The following GDPD5 variants were observed in gnomAD, a reference collection of about 807,000 sequenced individuals.
GDPD5 encodes glycerophosphodiester phosphodiesterase domain containing 5, also known as glycerophosphodiester phosphodiesterase 2.
GDPD5 carries 48 observed loss-of-function variants against 75.1 expected under a neutral mutation model. The ratio of observed to expected loss-of-function variants is 0.64; its 90% CI spans 0.51 to 0.81. The LOEUF is 0.81. GDPD5 is among the 40% of genes least tolerant of loss of function. GDPD5 has a pLI of 0.00. For missense variants in GDPD5, 706 were observed against 822.6 expected, an observed-to-expected ratio of 0.86 and a Z score of 1.73; for synonymous variants, 336 against 339.0, an observed-to-expected ratio of 0.99 and a Z score of 0.10.
At chr11:75,494,795 TA>T (rs1950180467) in intron 1 of GDPD5, among the ~76,000 whole-genome samples, 1 of 150,980 alleles carries the variant, frequency 6.6e-6, no homozygotes, top group South Asian at 2.1e-4. Context: ...CTACTAAACA[TA>T]AAAAAAATAG....
intron 1 of GDPD5, among the ~76,000 whole-genome samples, chr11:75,498,815 C>T (rs948793803): frequency 6.6e-6 from 1 of 151,806 alleles, no homozygotes; most frequent in Non-Finnish European, 1.5e-5. Context: ...CTTGCTGGTG[C>T]CAGGTCCTGG....
chr11:75,467,717 G>A (rs1949549961), intron 3 of GDPD5, among the ~76,000 whole-genome samples: 1 of 152,080 alleles, frequency 6.6e-6, no homozygotes, highest in Non-Finnish European at 1.5e-5. Flanking sequence ...CCGAGGGGAT[G>A]GAGGCTGAGG....
chr11:75,472,879 A>T (rs1189306104), intron 3 of GDPD5, among the ~76,000 whole-genome samples: 1 of 152,038 alleles, frequency 6.6e-6, no homozygotes, highest in Non-Finnish European at 1.5e-5. Flanking sequence ...GTGGAACCCC[A>T]GGGGAGTGAG....
intron 15 of GDPD5, chr11:75,438,582 T>TCTC (rs1467018943): frequency 7.9e-5 from 12 of 152,236 alleles, no homozygotes; most frequent in Admixed American, 7.9e-4. Context: ...AGGGACAGCA[T>TCTC]CTCCTCCTAG....
intron 15 of GDPD5, chr11:75,439,192 G>C (rs1213412578): frequency 1.8e-5 from 7 of 382,042 alleles, no homozygotes; most frequent in Non-Finnish European, 3.8e-5. Context: ...GATTGCGGGG[G>C]TAAGGGAGGC....
At chr11:75,496,782 T>TCTTTTTC (rs1555013438) in intron 1 of GDPD5, among the ~76,000 whole-genome samples, 12 of 136,628 alleles carry the variant, frequency 8.8e-5, no homozygotes, top group Non-Finnish European at 1.9e-4. Flanking sequence ...TTTCTTTCTT[T>TCTTTTTC]TTTTTTTTTT....
intron 16 of GDPD5, among the ~76,000 whole-genome samples, chr11:75,436,673 T>G (rs1948634029): frequency 6.6e-6 from 1 of 152,120 alleles, no homozygotes; most frequent in South Asian, 2.1e-4. Flanking sequence ...ACCCCACCCC[T>G]GCCCACCAAC....
In GDPD5 at chr11:75,441,626, G is replaced by T. The variant is rs534195404; in HGVS notation, c.1325+20C>A. 5 of 1,544,152 alleles carry T rather than the reference G, an allele frequency of 3.2e-6. No homozygotes were observed. In the South Asian group the frequency reaches 3.5e-5, roughly 11 times the overall value. ...CTCAGTCCCACCCTCTCCTGGAGGA[G>T]CCCAGGGCAGGGCAGGCACCTGAGC... On this transcript the variant is annotated intron_variant, in intron 13 of 16. Transcript: ENST00000336898.
intron 4 of GDPD5, among the ~76,000 whole-genome samples, chr11:75,461,986 G>A (rs1213678761): frequency 6.6e-6 from 1 of 152,246 alleles, no homozygotes; most frequent in Non-Finnish European, 1.5e-5. Flanking sequence ...CCTGTACCCA[G>A]GTAAGTGGCT....
chr11:75,507,948 C>A lies in GDPD5; in HGVS notation c.-145+17262G>T, dbSNP rs1046429045. ...CATCCCCCAACACCCACCCCCAGCA[C>A]CCACTATCTATCAGTTGCTTTTTTT... is the stretch of plus-strand genomic sequence containing the variant. On this transcript the variant is annotated intron_variant, in intron 1 of 16. Coordinates refer to ENST00000336898, the MANE Select transcript of GDPD5 (RefSeq NM_030792.8). Among the ~76,000 whole-genome samples, 11 of 152,238 alleles carry A rather than the reference C, an allele frequency of 7.2e-5. No individual in the cohort carries two copies. The East Asian group carries it at 1.4e-3, about 19-fold the overall frequency.
At chr11:75,519,509 G>C (rs1380154835) in intron 1 of GDPD5, among the ~76,000 whole-genome samples, 2 of 152,172 alleles carry the variant, frequency 1.3e-5, no homozygotes, top group African/African-American at 4.8e-5. Flanking sequence ...GATCCTCTGT[G>C]AGGTGCTGGA....
At chr11:75,522,073 G>A (rs1466531216) in intron 1 of GDPD5, among the ~76,000 whole-genome samples, 3 of 151,230 alleles carry the variant, frequency 2.0e-5, no homozygotes, top group African/African-American at 4.9e-5. Context: ...CATCCTCCTC[G>A]CCCCAAGTTC....
At chr11:75,472,557 G>C (rs1035154383) in intron 3 of GDPD5, among the ~76,000 whole-genome samples, 1 of 152,004 alleles carries the variant, frequency 6.6e-6, no homozygotes, top group Non-Finnish European at 1.5e-5. Flanking sequence ...CCACCACCAG[G>C]AGCACAGGAG....
intron 1 of GDPD5, among the ~76,000 whole-genome samples, chr11:75,499,914 C>A (rs1020301406): frequency 1.3e-5 from 2 of 152,220 alleles, no homozygotes; most frequent in Admixed American, 6.5e-5. Context: ...ACCTGGTTTA[C>A]GAGGATGCTC....
At chr11:75,489,462 T>TCGAA (rs1222469621) in intron 2 of GDPD5, among the ~76,000 whole-genome samples, 1 of 152,248 alleles carries the variant, frequency 6.6e-6, no homozygotes, top group Non-Finnish European at 1.5e-5. Context: ...CCGAGCTTGC[T>TCGAA]CGAATGCTGA....
Position 75,462,777 on chromosome 11 carries a change from C to G in GDPD5, c.221+9G>C. On this transcript the variant is annotated intron_variant, in intron 4 of 16. Transcript: ENST00000336898. ...GCCCCTTCCTCCCCCACCCACTGCC[C>G]CTACTCACCAGTTGAATTCATCATA... The G allele has an allele frequency of 6.2e-7, 1 of 1,608,856 alleles. No individual in the cohort carries two copies. The highest frequency in any genetic ancestry group is 8.5e-7 in the Non-Finnish European group (1 of 1,175,504).
At chr11:75,496,583 G>C (rs2135436031) in intron 1 of GDPD5, among the ~76,000 whole-genome samples, 1 of 152,262 alleles carries the variant, frequency 6.6e-6, no homozygotes, top group African/African-American at 2.4e-5. Flanking sequence ...GGCTGTAACA[G>C]GGGCCAGACC....
At chr11:75,463,868 T>C (rs1949465029) in intron 3 of GDPD5, among the ~76,000 whole-genome samples, 1 of 152,252 alleles carries the variant, frequency 6.6e-6, no homozygotes, top group Admixed American at 6.5e-5. Flanking sequence ...CCTCTGGGCT[T>C]GTTCCCTGAA....
intron 11 of GDPD5, chr11:75,442,856 C>T: frequency 1.7e-6 from 1 of 601,920 alleles, no homozygotes; most frequent in African/African-American, 1.9e-5. Flanking sequence ...ATCAGAGAGC[C>T]AACCCCTCTC....
Sources: allele counts gnomAD v4.1 joint callset (sites outside exome capture counted in the v4.1 genomes callset), GRCh38; gene constraint gnomAD v4.1.1; transcripts MANE v1.5; gene names NCBI Gene and HGNC (gene_info 2026-07-23, HGNC 2026-07-21).